The following HNRNPR variants were observed in gnomAD, a reference collection of about 807,000 sequenced individuals.
HNRNPR encodes heterogeneous nuclear ribonucleoprotein R.
Under a neutral mutation model 70.3 loss-of-function variants are expected in HNRNPR, and 4 were observed. That is an observed-to-expected ratio of 0.06 (90% CI 0.03 to 0.13). HNRNPR has a LOEUF of 0.13. HNRNPR is among the 10% of genes least tolerant of loss of function. The probability of loss-of-function intolerance (pLI) is 1.00; values close to 1 mark genes in which losing one functional copy is unlikely to be tolerated. For synonymous variants in HNRNPR, 241 were observed against 267.6 expected, an observed-to-expected ratio of 0.90 and a Z score of 0.97; for missense variants, 423 against 788.5, an observed-to-expected ratio of 0.54 and a Z score of 5.55.
At position 23,309,773 on chromosome 1, in the gene HNRNPR, T is replaced by A. The variant is rs971651106; in HGVS notation, c.*681A>T. The A allele has an allele frequency of 2.0e-5, 3 of 152,612 alleles. No individual in the cohort carries two copies. The highest frequency in any genetic ancestry group is 7.2e-5 in the African/African-American group (3 of 41,460). 9.5% of individuals were successfully genotyped at this position (152,612 alleles called of 1,614,324 possible). On this transcript the variant is annotated 3_prime_UTR_variant, in exon 11 of 11. Coordinates refer to ENST00000302271, the MANE Select transcript of HNRNPR (RefSeq NM_005826.5). ...ATAATGTTTTAGGACACAATTGAAT[T>A]TGAAATAGGTAATGTTTTGAATAGA... is the stretch of plus-strand genomic sequence containing the variant.
chr1:23,320,147 C>T (rs1645700305), intron 7 of HNRNPR, among the ~76,000 whole-genome samples: 1 of 152,028 alleles, frequency 6.6e-6, no homozygotes, highest in Admixed American at 6.6e-5. Context: ...TAGCACAATG[C>T]CAGCACTTAA....
At chr1:23,343,908 T>A (rs955327477) in intron 1 of HNRNPR, among the ~76,000 whole-genome samples, 6 of 152,034 alleles carry the variant, frequency 3.9e-5, no homozygotes, top group African/African-American at 1.4e-4. Flanking sequence ...TCCGGCCGCA[T>A]GGAGCAGCGA....
chr1:23,340,479 G>A (rs1370632886), intron 2 of HNRNPR, among the ~76,000 whole-genome samples: 1 of 152,106 alleles, frequency 6.6e-6, no homozygotes, highest in Non-Finnish European at 1.5e-5. Flanking sequence ...TCAGACCTAA[G>A]CTGATTTAAC....
chr1:23,323,866 C>G, intron 5 of HNRNPR, 134 bp from the exon 6 acceptor site: 1 of 707,846 alleles, frequency 1.4e-6, no homozygotes, highest in Non-Finnish European at 2.4e-6. Flanking sequence ...CTGAAACTTA[C>G]AGTTGACTTG....
At chr1:23,321,826 T>C (rs546626282) in intron 6 of HNRNPR, among the ~76,000 whole-genome samples, 163 bp from the exon 7 acceptor site, 1 of 152,350 alleles carries the variant, frequency 6.6e-6, no homozygotes, top group Admixed American at 6.5e-5. Context: ...TTAAACTTCA[T>C]TGTTACAGTC....
chr1:23,336,767 C>CA (rs34880516), intron 4 of HNRNPR, among the ~76,000 whole-genome samples: 4,919 of 58,998 alleles, frequency 0.083, 377 homozygotes, highest in African/African-American at 0.19. Flanking sequence ...GACTCTGTCT[C>CA]AAAAAAAAAA....
chr1:23,326,716 C>T (rs1645996393), intron 5 of HNRNPR, among the ~76,000 whole-genome samples: 1 of 152,090 alleles, frequency 6.6e-6, no homozygotes, highest in African/African-American at 2.4e-5. Flanking sequence ...ACCTGAGAGG[C>T]GGAGGTTGCA....
At position 23,310,838 on chromosome 1, in the gene HNRNPR, C is replaced by CCTTCCTCCTCCT. The variant is rs1645304074; in HGVS notation, c.1506_1517dup (p.Gly505_Gly508dup). On this transcript the variant is annotated inframe_insertion, in exon 11 of 11. Transcript: ENST00000302271. The surrounding 1 kb of genome is among the most constrained non-coding windows in gnomAD (Gnocchi z 6.0). ...GTGGTGGTGGAGCACCTCGCCCTCC[C>CCTTCCTCCTCCT]CTTCCTCCTCCTCTTCCTCTTACTG... The CCTTCCTCCTCCT allele has an allele frequency of 6.2e-7, 1 of 1,614,022 alleles. No individual in the cohort carries two copies. The highest frequency in any genetic ancestry group is 1.3e-5 in the African/African-American group (1 of 74,926).
chr1:23,329,569 G>C (rs1249421191), intron 5 of HNRNPR, among the ~76,000 whole-genome samples: 4 of 152,172 alleles, frequency 2.6e-5, no homozygotes, highest in Non-Finnish European at 5.9e-5. Context: ...AAAAGTTTTA[G>C]CTGTCTACAA....
intron 5 of HNRNPR, among the ~76,000 whole-genome samples, chr1:23,331,644 A>C (rs1256158164): frequency 6.6e-6 from 1 of 151,396 alleles, no homozygotes. Context: ...ACGAAATTGC[A>C]CCATTACACT....
At position 23,309,273 on chromosome 1, in the gene HNRNPR, A is replaced by T. The variant is rs1419967048; in HGVS notation, c.*1181T>A. 2 of 152,196 alleles carry T rather than the reference A, an allele frequency of 1.3e-5. No homozygotes were observed. Among genetic ancestry groups the T allele is most frequent in the Non-Finnish European group, 2.9e-5 (2 of 67,994 alleles). 9.4% of individuals were successfully genotyped at this position (152,196 alleles called of 1,614,324 possible). ...TAATAGGAAATTATATTCCTAAACC[A>T]GTAACTGAAATGGTAGTCACGATCA... On this transcript the variant is annotated 3_prime_UTR_variant, in exon 11 of 11. Coordinates refer to ENST00000302271, the MANE Select transcript of HNRNPR (RefSeq NM_005826.5).
At chr1:23,317,786 A>C (rs1318986846) in intron 8 of HNRNPR, among the ~76,000 whole-genome samples, 2 of 152,054 alleles carry the variant, frequency 1.3e-5, no homozygotes, top group African/African-American at 4.8e-5. Context: ...GTTCGAGACC[A>C]GCCTGCAATA....
rs1645226131 is a variant in HNRNPR, at chr1:23,307,838, C to T, written c.*2616G>A. 6.6e-6 allele frequency: 1 copy of T among 151,454 alleles called. No homozygotes were observed. The highest frequency in any genetic ancestry group is 1.5e-5 in the Non-Finnish European group (1 of 67,832). The allele number at this position is 151,454 out of a possible 1,614,324, so 9.4% of individuals were successfully genotyped here. On this transcript the variant is annotated 3_prime_UTR_variant, in exon 11 of 11. Coordinates refer to ENST00000302271, the MANE Select transcript of HNRNPR (RefSeq NM_005826.5). ...TCATAAATAAAGCCAAATCAATTAGCTTGGGGAACAAAAAAGATGGAAAGA... is the reference window on the plus strand; with the variant it reads ...TCATAAATAAAGCCAAATCAATTAGTTTGGGGAACAAAAAAGATGGAAAGA...
rs933545485 is a variant in HNRNPR at position 23,318,250 on chromosome 1, A to C, written c.1017+233T>G. Among the ~76,000 whole-genome samples the C allele has an allele frequency of 1.4e-4, 22 of 151,810 alleles. No homozygotes were observed. The highest frequency in any genetic ancestry group is 3.1e-4 in the Non-Finnish European group (21 of 67,972). On this transcript the variant is annotated intron_variant, in intron 8 of 10. Coordinates refer to ENST00000302271, the MANE Select transcript of HNRNPR (RefSeq NM_005826.5). The surrounding 1 kb of genome is among the most constrained non-coding windows in gnomAD (Gnocchi z 4.2). Reference sequence around the variant, plus strand: ...GTGTATGGGACTACTTAATTGAAGGAATTTCATTTCAGTTCCTTTTGCACA... The same window carrying C: ...GTGTATGGGACTACTTAATTGAAGGCATTTCATTTCAGTTCCTTTTGCACA...
intron 5 of HNRNPR, among the ~76,000 whole-genome samples, chr1:23,330,025 T>C (rs1262249592): frequency 6.6e-6 from 1 of 152,160 alleles, no homozygotes; most frequent in Non-Finnish European, 1.5e-5. Flanking sequence ...TCATACATAA[T>C]ACAATTCAGG....
intron 8 of HNRNPR, among the ~76,000 whole-genome samples, chr1:23,317,860 G>A (rs1645610089): frequency 6.6e-6 from 1 of 151,766 alleles, no homozygotes; most frequent in African/African-American, 2.4e-5. Flanking sequence ...GGCGCCTGTA[G>A]TCCCAGCTAC....
At chr1:23,326,591 C>G (rs1365905200) in intron 5 of HNRNPR, among the ~76,000 whole-genome samples, 1 of 152,150 alleles carries the variant, frequency 6.6e-6, no homozygotes, top group Non-Finnish European at 1.5e-5. Flanking sequence ...TCAAGACCAG[C>G]CTGGCCAACA....
rs146395890 is a variant in HNRNPR, at chr1:23,309,118, A to C, written c.*1336T>G. The C allele has an allele frequency of 6.6e-6, 1 of 152,252 alleles. No homozygotes were observed. The highest frequency in any genetic ancestry group is 1.9e-4 in the East Asian group (1 of 5,194). The allele number at this position is 152,252 out of a possible 1,614,324, so 9.4% of individuals were successfully genotyped here. A position where few individuals can be genotyped will look rare whatever the true frequency, so the allele number is the denominator to read the frequency against. On this transcript the variant is annotated 3_prime_UTR_variant, in exon 11 of 11. Transcript: ENST00000302271. Reference sequence around the variant, plus strand: ...GATGTTATGTCTTGGCCAACAAAAAATTTGGGCATCAGGGATAGCAGATAA... The same window carrying C: ...GATGTTATGTCTTGGCCAACAAAAACTTTGGGCATCAGGGATAGCAGATAA...
intron 5 of HNRNPR, among the ~76,000 whole-genome samples, chr1:23,329,301 G>C (rs1041265367): frequency 1.3e-5 from 2 of 152,112 alleles, no homozygotes; most frequent in African/African-American, 2.4e-5. Flanking sequence ...AATTTAAAAG[G>C]CTAAAGTTTT....
Sources: allele counts gnomAD v4.1 joint callset (sites outside exome capture counted in the v4.1 genomes callset), GRCh38; gene constraint gnomAD v4.1.1; non-coding constraint Gnocchi (gnomAD v3.1); transcripts MANE v1.5; gene names NCBI Gene and HGNC (gene_info 2026-07-23, HGNC 2026-07-21).